The following NMT1 variants were observed in gnomAD, a reference collection of about 807,000 sequenced individuals.
NMT1 encodes glycylpeptide N-tetradecanoyltransferase 1.
In NMT1, 12 loss-of-function variants were observed where a neutral mutation model predicts 63.4. The observed-to-expected ratio is 0.19, with a 90% CI of 0.12 to 0.31. NMT1 has a LOEUF of 0.31. NMT1 is among the 10% of genes least tolerant of loss of function. The pLI, the probability that NMT1 is intolerant of heterozygous loss-of-function variation, is 1.00. For synonymous variants in NMT1, 228 were observed against 234.3 expected, an observed-to-expected ratio of 0.97 and a Z score of 0.25; for missense variants, 432 against 634.6, an observed-to-expected ratio of 0.68 and a Z score of 3.43.
chr17:45,104,599 G>A lies in NMT1; in HGVS notation c.1333-260G>A, dbSNP rs2054191084. 7.9e-7 allele frequency: 1 copy of A among 1,262,716 alleles called. No homozygotes were observed. Among genetic ancestry groups the A allele is most frequent in the Non-Finnish European group, 1.0e-6 (1 of 998,950 alleles). The allele number at this position is 1,262,716 out of a possible 1,614,324, so 78.2% of individuals were successfully genotyped here. On this transcript the variant is annotated intron_variant, in intron 10 of 11. Transcript: ENST00000258960. This position sits in a 1 kb window ranked among gnomAD's most constrained non-coding sequence, Gnocchi z 4.2. ...TTTCAGGGAGGCATAACCAGGAATA[G>A]CAAGAGCCCCGGCCTGGACACTGAG...
chr17:45,087,159 A>C (rs1446304359), intron 3 of NMT1, among the ~76,000 whole-genome samples: 1 of 151,864 alleles, frequency 6.6e-6, no homozygotes, highest in Non-Finnish European at 1.5e-5. Context: ...GAGACCCCCA[A>C]CTCAAAAAAC....
At chr17:45,065,401 G>C (rs897126436) in intron 1 of NMT1, among the ~76,000 whole-genome samples, 1 of 152,052 alleles carries the variant, frequency 6.6e-6, no homozygotes, top group Non-Finnish European at 1.5e-5. Context: ...AGGCGGGCGG[G>C]ATCATGAGGT....
intron 1 of NMT1, among the ~76,000 whole-genome samples, chr17:45,081,317 C>G (rs564541818): frequency 6.6e-6 from 1 of 152,228 alleles, no homozygotes; most frequent in Admixed American, 6.5e-5. Context: ...GTATGAATGC[C>G]TTGTTAACAA....
intron 2 of NMT1, 103 bp downstream of exon 2, chr17:45,081,855 A>G (rs570730383): frequency 2.3e-6 from 2 of 876,484 alleles, no homozygotes; most frequent in Non-Finnish European, 3.5e-6. Flanking sequence ...CTCCACTGGT[A>G]TTACTTCAAG....
At chr17:45,087,093 C>T (rs1023099105) in intron 3 of NMT1, among the ~76,000 whole-genome samples, 21 of 151,576 alleles carry the variant, frequency 1.4e-4, no homozygotes, top group Non-Finnish European at 2.9e-4. Flanking sequence ...CCTGGGAGGT[C>T]AAGGCGGCAG....
Position 45,104,519 on chromosome 17 carries a change from CAG to C in NMT1, c.1333-337_1333-336del. On this transcript the variant is annotated intron_variant, in intron 10 of 11. Coordinates refer to ENST00000258960, the MANE Select transcript of NMT1 (RefSeq NM_021079.5). This position sits in a 1 kb window ranked among gnomAD's most constrained non-coding sequence, Gnocchi z 4.2. ...ATGTAGCTGACCAGAGCCAGCTTCT[CAG>C]AGGAATGGGCTCAGGGTTTGGACTC... is the stretch of plus-strand genomic sequence containing the variant. The C allele has an allele frequency of 1.8e-6, 2 of 1,125,604 alleles. No individual in the cohort carries two copies. The highest frequency in any genetic ancestry group is 3.2e-5 in the African/African-American group (2 of 62,818). The allele number at this position is 1,125,604 out of a possible 1,614,324, so 69.7% of individuals were successfully genotyped here.
intron 1 of NMT1, among the ~76,000 whole-genome samples, chr17:45,076,784 C>T (rs1414368068): frequency 6.6e-6 from 1 of 151,914 alleles, no homozygotes; most frequent in Non-Finnish European, 1.5e-5. Flanking sequence ...AACAACTTCC[C>T]TGTGTTCTTC....
At chr17:45,098,613 A>G (rs2054141554) in intron 7 of NMT1, 61 bp downstream of exon 7, 1 of 1,486,766 alleles carries the variant, frequency 6.7e-7, no homozygotes. Context: ...GTTGAGGAGC[A>G]TGTGCCACTG....
Position 45,099,459 on chromosome 17 carries a change from C to A in NMT1, c.939C>A (p.His313Gln). 1 of 1,614,164 alleles carries A rather than the reference C, an allele frequency of 6.2e-7. No individual in the cohort carries two copies. Among genetic ancestry groups the A allele is most frequent in the Non-Finnish European group, 8.5e-7 (1 of 1,179,996 alleles). Residue 313 changes from histidine (H) to glutamine (Q), a missense_variant, in exon 8 of 12, where the codon CAC becomes CAA. Physicochemically the swap from His to Gln is conservative, Grantham distance 24 (BLOSUM62 0). Transcript: ENST00000258960. ...PRKLIEVKFS[H>Q]LSRNMTMQRT... ...AGCTGATTGAAGTGAAGTTCTCCCA[C>A]CTGAGCAGAAATATGACCATGCAGC...
Position 45,108,041 on chromosome 17 carries a change from C to T in NMT1, c.*2402C>T, listed in dbSNP as rs1246754349. ...GCTCAGAGAGCACCATCCCGGGGGT[C>T]AGGGCCTCCCCACAGGAGCCCTGCA... On this transcript the variant is annotated 3_prime_UTR_variant, in exon 12 of 12. Coordinates refer to ENST00000258960, the MANE Select transcript of NMT1 (RefSeq NM_021079.5). 1.3e-5 allele frequency: 2 copies of T among 152,268 alleles called. No individual in the cohort carries two copies. The highest frequency in any genetic ancestry group is 1.3e-4 in the Admixed American group (2 of 15,280). The allele number at this position is 152,268 out of a possible 1,614,324, so 9.4% of individuals were successfully genotyped here. A position where few individuals can be genotyped will look rare whatever the true frequency, so the allele number is the denominator to read the frequency against.
At chr17:45,086,692 G>T in intron 3 of NMT1, 40 bp downstream of exon 3, 1 of 1,573,214 alleles carries the variant, frequency 6.4e-7, no homozygotes, top group South Asian at 1.2e-5. Context: ...TCAGGGGCGA[G>T]GGATCTGCCT....
At chr17:45,084,202 T>A (rs2054035900) in intron 2 of NMT1, among the ~76,000 whole-genome samples, 1 of 152,086 alleles carries the variant, frequency 6.6e-6, no homozygotes, top group Admixed American at 6.6e-5. Flanking sequence ...TTAAAATAAT[T>A]GAATGAATAG....
chr17:45,089,752 C>G (rs2054076485), intron 3 of NMT1, among the ~76,000 whole-genome samples: 1 of 152,094 alleles, frequency 6.6e-6, no homozygotes, highest in Admixed American at 6.5e-5. Flanking sequence ...AATCCTCCCA[C>G]CTTAGCCTCC....
intron 2 of NMT1, among the ~76,000 whole-genome samples, chr17:45,084,572 A>T (rs543121323): frequency 6.6e-6 from 1 of 151,492 alleles, no homozygotes; most frequent in African/African-American, 2.4e-5. Flanking sequence ...TGACCTCGTG[A>T]TCCACCCGCC....
At chr17:45,068,386 C>G (rs2053916271) in intron 1 of NMT1, among the ~76,000 whole-genome samples, 1 of 152,090 alleles carries the variant, frequency 6.6e-6, no homozygotes, top group African/African-American at 2.4e-5. Flanking sequence ...ACAAGAGAAT[C>G]ACTTGAACCC....
Position 45,105,122 on chromosome 17 carries a change from GAA to G in NMT1, c.1470+129_1470+130del. The G allele has an allele frequency of 8.0e-7, 1 of 1,250,870 alleles. No homozygotes were observed. The allele number at this position is 1,250,870 out of a possible 1,614,324, so 77.5% of individuals were successfully genotyped here. ...CCTTGTTACCTCGAGTTGAACCTTT[GAA>G]AATGCCCTCCCTCTGCTGGCCAGAC... On this transcript the variant is annotated intron_variant, in intron 11 of 11. Coordinates refer to ENST00000258960, the MANE Select transcript of NMT1 (RefSeq NM_021079.5). The surrounding 1 kb of genome is among the most constrained non-coding windows in gnomAD (Gnocchi z 4.2).
In NMT1 at chr17:45,097,236, C is replaced by G; in HGVS notation, c.705C>G (p.Ile235Met). The change falls in exon 6 of 12, where the codon ATC becomes ATG. Residue 235 changes from isoleucine (I) to methionine (M), a missense_variant. Ile to Met is a conservative substitution (Grantham distance 10). This residue lies in a region of NMT1 where 295 missense variants were observed against 489.7 expected (regional missense o/e 0.60). Coordinates refer to ENST00000258960, the MANE Select transcript of NMT1 (RefSeq NM_021079.5). ...GCGCCATCCCAGCAAACATCCATAT[C>G]TATGACACGTAAGCACCTGCACCTA... Reference protein sequence around the residue: ...FISAIPANIHIYDTEKKMVEI... With the variant: ...FISAIPANIHMYDTEKKMVEI... The G allele has an allele frequency of 6.2e-7, 1 of 1,612,582 alleles. No individual in the cohort carries two copies. The highest frequency in any genetic ancestry group is 1.1e-5 in the South Asian group (1 of 91,036).
intron 1 of NMT1, among the ~76,000 whole-genome samples, chr17:45,074,507 T>C (rs893344176): frequency 6.6e-6 from 1 of 152,040 alleles, no homozygotes; most frequent in African/African-American, 2.4e-5. Context: ...GCGTGAGCCA[T>C]CGTGCCCGGC....
intron 1 of NMT1, among the ~76,000 whole-genome samples, chr17:45,072,394 G>A (rs2053946864): frequency 6.6e-6 from 1 of 151,228 alleles, no homozygotes; most frequent in South Asian, 2.1e-4. Context: ...CAAGTAGCTG[G>A]GATTACAGGC....
Sources: allele counts gnomAD v4.1 joint callset (sites outside exome capture counted in the v4.1 genomes callset), GRCh38; gene constraint gnomAD v4.1.1; regional missense constraint gnomAD v4.1.1; non-coding constraint Gnocchi (gnomAD v3.1); transcripts MANE v1.5; gene names NCBI Gene and HGNC (gene_info 2026-07-23, HGNC 2026-07-21).